Variants in GJA1 observed in about 807,000 individuals in gnomAD.
GJA1 encodes the protein gap junction protein alpha 1.
In GJA1, 9 loss-of-function variants were observed where a neutral mutation model predicts 31.0. The observed-to-expected ratio is 0.29, with a 90% CI of 0.17 to 0.51. The LOEUF (loss-of-function observed/expected upper bound fraction) is 0.51. GJA1 is among the 20% of genes least tolerant of loss of function. GJA1 has a pLI of 0.98. For synonymous variants in GJA1, 186 were observed against 180.1 expected (o/e 1.03, Z -0.26); for missense variants, 278 against 468.8 (o/e 0.59, Z 3.76).
intron 1 of GJA1, among the ~76,000 whole-genome samples, chr6:121,441,320 C>T (rs1773777457): frequency 6.6e-6 from 1 of 151,828 alleles, no homozygotes; most frequent in Admixed American, 6.6e-5. Flanking sequence ...AACTCTTGAC[C>T]TCAGATGATC....
Position 121,441,872 on chromosome 6 carries a change from A to G in GJA1, c.-16-4960A>G, listed in dbSNP as rs538507179. Among the ~76,000 whole-genome samples, 21 of 152,282 alleles carry G rather than the reference A, an allele frequency of 1.4e-4. No individual in the cohort carries two copies. The South Asian group carries it at 3.7e-3, about 27-fold the overall frequency. On this transcript the variant is annotated intron_variant, in intron 1 of 1. Transcript: ENST00000282561. ...TGCGGAGGAATAGACAACTGAGTTC[A>G]CTCAATGACATTTACTGGAGGGGCA...
rs1424102034 is a variant in GJA1, at chr6:121,449,597, T to G, written c.*1601T>G. The G allele has an allele frequency of 6.0e-6, 1 of 167,134 alleles. No individual in the cohort carries two copies. The highest frequency in any genetic ancestry group is 1.5e-5 in the Non-Finnish European group (1 of 68,122). 10.4% of individuals were successfully genotyped at this position (167,134 alleles called of 1,614,324 possible). On this transcript the variant is annotated 3_prime_UTR_variant, in exon 2 of 2. Transcript: ENST00000282561. ...AGTTTTGTACAATGAAAATTACTAATTTGTTTGACATTCCATGTTAAACTA... is the reference window on the plus strand; with the variant it reads ...AGTTTTGTACAATGAAAATTACTAAGTTGTTTGACATTCCATGTTAAACTA...
chr6:121,440,062 G>A (rs1181379495), intron 1 of GJA1, among the ~76,000 whole-genome samples: 4 of 152,038 alleles, frequency 2.6e-5, no homozygotes, highest in East Asian at 1.9e-4. Flanking sequence ...AGCCTTCCCC[G>A]ATATTTATCA....
intron 1 of GJA1, among the ~76,000 whole-genome samples, chr6:121,445,825 T>G (rs1773878663): frequency 1.3e-5 from 2 of 152,142 alleles, no homozygotes; most frequent in African/African-American, 4.8e-5. Context: ...CTGAGCTACA[T>G]AAGTCACTGC....
intron 1 of GJA1, among the ~76,000 whole-genome samples, chr6:121,437,884 C>A (rs1429870313): frequency 2.6e-5 from 4 of 152,124 alleles, no homozygotes; most frequent in Non-Finnish European, 4.4e-5. Context: ...CGCATTTGAA[C>A]TCGGTGAAAA....
In GJA1 at chr6:121,448,838, G is replaced by C. The variant is rs556235757; in HGVS notation, c.*842G>C. ...CACTTATATGTGTGTCGAAGAGTTT[G>C]TTTTGTTTGTCATGTATTGGTACAA... On this transcript the variant is annotated 3_prime_UTR_variant, in exon 2 of 2. Coordinates refer to ENST00000282561, the MANE Select transcript of GJA1 (RefSeq NM_000165.5). 11 of 166,854 alleles carry C rather than the reference G, an allele frequency of 6.6e-5. No individual in the cohort carries two copies. The highest frequency in any genetic ancestry group is 1.2e-4 in the Non-Finnish European group (8 of 68,108). The allele number at this position is 166,854 out of a possible 1,614,324, so 10.3% of individuals were successfully genotyped here. A position where few individuals can be genotyped will look rare whatever the true frequency, so the allele number is the denominator to read the frequency against.
At chr6:121,443,851 G>T (rs1773839449) in intron 1 of GJA1, among the ~76,000 whole-genome samples, 1 of 152,142 alleles carries the variant, frequency 6.6e-6, no homozygotes, top group Non-Finnish European at 1.5e-5. Flanking sequence ...TTTTATACTT[G>T]ATTGTTTTTG....
intron 1 of GJA1, among the ~76,000 whole-genome samples, chr6:121,437,733 G>A (rs1773694056): frequency 6.6e-6 from 1 of 151,968 alleles, no homozygotes; most frequent in African/African-American, 2.4e-5. Context: ...CAGGTACAAA[G>A]TAGGGGTGGG....
chr6:121,438,267 C>T lies in GJA1; in HGVS notation c.-17+2435C>T, dbSNP rs147528271. 5.2e-3 allele frequency among the ~76,000 whole-genome samples: 795 copies of T among 152,274 alleles called. 7 individuals carry two copies. The highest frequency in any genetic ancestry group is 0.018 in the African/African-American group (757 of 41,544). Reference sequence around the variant, plus strand: ...ACTTTCTTCACTGTTTAAACATGTTCCACATTTTTCTAATGCCTTCTGAGG... The same window carrying T: ...ACTTTCTTCACTGTTTAAACATGTTTCACATTTTTCTAATGCCTTCTGAGG... On this transcript the variant is annotated intron_variant, in intron 1 of 1. Coordinates refer to ENST00000282561, the MANE Select transcript of GJA1 (RefSeq NM_000165.5).
At position 121,438,517 on chromosome 6, in the gene GJA1, AGGGGTG is replaced by A. The variant is rs531229608; in HGVS notation, c.-17+2686_-17+2691del. On this transcript the variant is annotated intron_variant, in intron 1 of 1. Coordinates refer to ENST00000282561, the MANE Select transcript of GJA1 (RefSeq NM_000165.5). ...TCTTTCTTTTCTTTTCTCTACATCC[AGGGGTG>A]TAGCTTGGTTTGAGCCTTTATATAT... is the stretch of plus-strand genomic sequence containing the variant. Among the ~76,000 whole-genome samples, 435 of 152,280 alleles carry A rather than the reference AGGGGTG, an allele frequency of 2.9e-3. 2 individuals are homozygous for A. The highest frequency in any genetic ancestry group is 9.9e-3 in the African/African-American group (410 of 41,554).
rs754052391 is a variant in GJA1 at position 121,447,579 on chromosome 6, C to T, written c.732C>T (p.Ser244=). The T allele has an allele frequency of 1.2e-5, 19 of 1,613,546 alleles. No individual in the cohort carries two copies. The South Asian group carries it at 1.2e-4, about 10-fold the overall frequency. ...KGVKDRVKGK[S]DPYHATSGAL... ...TTAAGGATCGGGTTAAGGGAAAGAG[C>T]GACCCTTACCATGCGACCAGTGGTG... is the stretch of plus-strand genomic sequence containing the variant. The change falls in exon 2 of 2, where the codon AGC becomes AGT. Residue 244 remains serine, a synonymous_variant. Transcript: ENST00000282561.
In GJA1 at chr6:121,446,781, A is replaced by G. The variant is rs189167598; in HGVS notation, c.-16-51A>G. Reference sequence around the variant, plus strand: ...TCACCTGAAAGGTACTAAATGTTAAACTAGTAATTTGCAATCTGTGATCCT... The same window carrying G: ...TCACCTGAAAGGTACTAAATGTTAAGCTAGTAATTTGCAATCTGTGATCCT... On this transcript the variant is annotated intron_variant, in intron 1 of 1. Transcript: ENST00000282561. 482 of 1,090,758 alleles carry G rather than the reference A, an allele frequency of 4.4e-4. 3 individuals carry two copies. The African/African-American group carries it at 5.6e-3, about 13-fold the overall frequency. The allele number at this position is 1,090,758 out of a possible 1,614,324, so 67.6% of individuals were successfully genotyped here.
intron 1 of GJA1, among the ~76,000 whole-genome samples, chr6:121,439,550 C>A (rs1371801064): frequency 6.6e-6 from 1 of 152,096 alleles, no homozygotes; most frequent in Non-Finnish European, 1.5e-5. Flanking sequence ...TCTCTGGTAG[C>A]CCTAAATTGA....
At chr6:121,443,242 T>C (rs2114277801) in intron 1 of GJA1, among the ~76,000 whole-genome samples, 1 of 152,228 alleles carries the variant, frequency 6.6e-6, no homozygotes, top group Admixed American at 6.5e-5. Context: ...CATGGCAAAG[T>C]GAGCAACTAC....
In GJA1 at chr6:121,447,734, C is replaced by G; in HGVS notation, c.887C>G (p.Ser296Cys). The change falls in exon 2 of 2, where the codon TCT becomes TGT. Residue 296 changes from serine to cysteine, a missense_variant. Around this residue, in one of 3 missense-constraint regions of GJA1, gnomAD observed 172 missense variants for 190.9 expected, o/e 0.90. Coordinates refer to ENST00000282561, the MANE Select transcript of GJA1 (RefSeq NM_000165.5). ...YKLVTGDRNNSSCRNYNKQAS... is the reference protein window; with the variant it reads ...YKLVTGDRNNCSCRNYNKQAS... ...CTGGTTACTGGCGACAGAAACAATT[C>G]TTCTTGCCGCAATTACAACAAGCAA... 6.2e-7 allele frequency: 1 copy of G among 1,614,028 alleles called. No homozygotes were observed. The highest frequency in any genetic ancestry group is 1.1e-5 in the South Asian group (1 of 91,070).
At position 121,447,724 on chromosome 6, in the gene GJA1, A is replaced by G. The variant is rs1303130145; in HGVS notation, c.877A>G (p.Arg293Gly). ...PPGYKLVTGD[R>G]NNSSCRNYNK... is the part of the protein sequence containing the mutation. The stretch of plus-strand genomic sequence containing the variant: ...TGGGTACAAGCTGGTTACTGGCGAC[A>G]GAAACAATTCTTCTTGCCGCAATTA... Residue 293 changes from arginine (R) to glycine (G), a missense_variant, in exon 2 of 2, where the codon AGA becomes GGA. By Grantham distance (125) the Arg-to-Gly change is moderately radical (BLOSUM62 -2). Around this residue, in one of 3 missense-constraint regions of GJA1, gnomAD observed 172 missense variants for 190.9 expected, o/e 0.90. Transcript: ENST00000282561. The G allele has an allele frequency of 6.2e-7, 1 of 1,614,148 alleles. No individual in the cohort carries two copies.
In GJA1 at chr6:121,448,723, G is replaced by GTAAAA. The variant is rs1479936103; in HGVS notation, c.*731_*732insATAAA. 1 of 166,588 alleles carries GTAAAA rather than the reference G, an allele frequency of 6.0e-6. No individual in the cohort carries two copies. The highest frequency in any genetic ancestry group is 6.6e-5 in the Admixed American group (1 of 15,244). 10.3% of individuals were successfully genotyped at this position (166,588 alleles called of 1,614,324 possible). A position where few individuals can be genotyped will look rare whatever the true frequency, so the allele number is the denominator to read the frequency against. The stretch of plus-strand genomic sequence containing the variant: ...TACTCACATTCATTTAATGGTTTCT[G>GTAAAA]TAAACATTTTTAAGACAGTTGGGAT... On this transcript the variant is annotated 3_prime_UTR_variant, in exon 2 of 2. Coordinates refer to ENST00000282561, the MANE Select transcript of GJA1 (RefSeq NM_000165.5).
chr6:121,437,314 A>G (rs1773684908), intron 1 of GJA1, among the ~76,000 whole-genome samples: 1 of 151,716 alleles, frequency 6.6e-6, no homozygotes, highest in Non-Finnish European at 1.5e-5. Flanking sequence ...TGATTTAATT[A>G]AAGTTGTCAA....
rs1413858201 is a variant in GJA1, at chr6:121,447,931, C to T, written c.1084C>T (p.Arg362Ter). 7 of 1,613,726 alleles carry T rather than the reference C, an allele frequency of 4.3e-6. No homozygotes were observed. Among genetic ancestry groups the T allele is most frequent in the Non-Finnish European group, 5.9e-6 (7 of 1,179,778 alleles). ...ACAGCCACTAGCCATTGTGGACCAGCGACCTTCAAGCAGAGCCAGCAGTCG... is the reference window on the plus strand; with the variant it reads ...ACAGCCACTAGCCATTGTGGACCAGTGACCTTCAAGCAGAGCCAGCAGTCG... ...ELQPLAIVDQ[R>*]PSSRASSRAS... The change falls in exon 2 of 2, where the codon CGA becomes TGA. Residue 362 changes from arginine (R) to a stop codon, truncating the protein, a stop_gained. Coordinates refer to ENST00000282561, the MANE Select transcript of GJA1 (RefSeq NM_000165.5). LOFTEE classifies it high-confidence loss of function.
Sources: gnomAD v4.1 joint callset for allele counts (sites outside exome capture counted in the v4.1 genomes callset) on GRCh38, gnomAD v4.1.1 for gene constraint, gnomAD v4.1.1 regional missense constraint, MANE v1.5 for transcripts, NCBI Gene and HGNC (gene_info 2026-07-23, HGNC 2026-07-21) for gene names.